CHD7: variants seen among roughly 807,000 people sequenced by gnomAD.
CHD7 encodes chromodomain helicase DNA binding protein 7.
Under a neutral mutation model 307.3 loss-of-function variants are expected in CHD7, and 24 were observed. That is an observed-to-expected ratio of 0.08 (90% confidence interval 0.06 to 0.11). CHD7 has a LOEUF of 0.11. Ranked by LOEUF, CHD7 falls within the 10% of genes least tolerant of loss-of-function variation. The pLI is 1.00. For missense variants in CHD7, 3,106 were observed against 3,727.1 expected, an observed-to-expected ratio of 0.83 and a Z score of 4.34; for synonymous variants, 1,363 against 1,349.9, an observed-to-expected ratio of 1.01 and a Z score of -0.21.
intron 1 of CHD7, among the ~76,000 whole-genome samples, chr8:60,687,449 C>T (rs113004965): frequency 1.3e-5 from 2 of 152,252 alleles, no homozygotes; most frequent in African/African-American, 4.8e-5. Flanking sequence ...GTTTTATGTT[C>T]TTGTATACTT....
intron 23 of CHD7, 61 bp downstream of exon 23, chr8:60,845,470 A>C: frequency 7.8e-6 from 12 of 1,539,704 alleles, no homozygotes; most frequent in Non-Finnish European, 1.1e-5. Flanking sequence ...TAAAAAATAC[A>C]TGCAGCCGGC....
At chr8:60,729,397 TA>T (rs2150558650) in intron 1 of CHD7, among the ~76,000 whole-genome samples, 1 of 152,338 alleles carries the variant, frequency 6.6e-6, no homozygotes, top group Admixed American at 6.5e-5. Flanking sequence ...GTAATTGGCA[TA>T]AAGTAGGGAA....
At chr8:60,695,761 A>G (rs568103060) in intron 1 of CHD7, among the ~76,000 whole-genome samples, 1 of 152,370 alleles carries the variant, frequency 6.6e-6, no homozygotes, top group East Asian at 1.9e-4. Context: ...GGAATAATTT[A>G]AAAATGCAAA....
intron 15 of CHD7, among the ~76,000 whole-genome samples, chr8:60,830,857 C>T (rs1231646642): frequency 1.3e-5 from 2 of 152,166 alleles, no homozygotes; most frequent in East Asian, 3.9e-4. Context: ...GGCTAGAAGT[C>T]ATCTGAAGTG....
chr8:60,731,311 T>C (rs968394647), intron 1 of CHD7, among the ~76,000 whole-genome samples: 12 of 152,198 alleles, frequency 7.9e-5, no homozygotes, highest in Admixed American at 2.6e-4. Flanking sequence ...AGTTAAATTG[T>C]GGGGAAGGAA....
intron 2 of CHD7, among the ~76,000 whole-genome samples, chr8:60,774,300 TAA>T (rs1312573404): frequency 6.6e-6 from 1 of 152,210 alleles, no homozygotes; most frequent in Non-Finnish European, 1.5e-5. Flanking sequence ...GAAGCAGCAA[TAA>T]TATAACTCAC....
chr8:60,729,332 T>C (rs571191921), intron 1 of CHD7, among the ~76,000 whole-genome samples: 4 of 152,264 alleles, frequency 2.6e-5, no homozygotes, highest in Non-Finnish European at 5.9e-5. Flanking sequence ...CAAACCTTTA[T>C]TTATATTCTT....
intron 2 of CHD7, among the ~76,000 whole-genome samples, chr8:60,764,529 A>C (rs1295843149): frequency 6.6e-6 from 1 of 152,148 alleles, no homozygotes; most frequent in Non-Finnish European, 1.5e-5. Flanking sequence ...GAGGGATTGC[A>C]ATTAGTTCAT....
chr8:60,761,256 A>G (rs1272054599), intron 2 of CHD7, among the ~76,000 whole-genome samples: 2 of 147,064 alleles, frequency 1.4e-5, no homozygotes, highest in Non-Finnish European at 3.0e-5. Context: ...AAAACCAAAC[A>G]CCGCATATTC....
chr8:60,805,042 A>G (rs1462597979), intron 6 of CHD7, among the ~76,000 whole-genome samples: 1 of 152,190 alleles, frequency 6.6e-6, no homozygotes, highest in Non-Finnish European at 1.5e-5. Context: ...GTGTGTATGT[A>G]TGGGAATAGT....
At chr8:60,752,942 A>G (rs905978475) in intron 2 of CHD7, among the ~76,000 whole-genome samples, 1 of 152,224 alleles carries the variant, frequency 6.6e-6, no homozygotes, top group Non-Finnish European at 1.5e-5. Context: ...AAATCTATAG[A>G]TAATATCTAA....
chr8:60,855,246 A>T (rs1239980041), intron 32 of CHD7: 2 of 152,238 alleles, frequency 1.3e-5, no homozygotes, highest in Non-Finnish European at 2.9e-5. Flanking sequence ...TGTCAAAGAC[A>T]TTTTGTTTCC....
chr8:60,733,085 A>C (rs7813067), intron 1 of CHD7, among the ~76,000 whole-genome samples: 1 of 151,638 alleles, frequency 6.6e-6, no homozygotes, highest in East Asian at 1.9e-4. Flanking sequence ...AAAAAAAAAA[A>C]TTAGCTGGGT....
At chr8:60,716,530 C>T (rs890128269) in intron 1 of CHD7, among the ~76,000 whole-genome samples, 1 of 152,230 alleles carries the variant, frequency 6.6e-6, no homozygotes, top group Non-Finnish European at 1.5e-5. Context: ...GGGCTGACTC[C>T]TCAGTTCCTT....
intron 13 of CHD7, among the ~76,000 whole-genome samples, chr8:60,827,908 GTAGAAAATAATA>G (rs1253254779): frequency 1.3e-5 from 2 of 151,998 alleles, no homozygotes; most frequent in Non-Finnish European, 2.9e-5. Context: ...AATGGCCAAA[GTAGAAAATAATA>G]GGGTTCTTAA....
chr8:60,784,837 T>C (rs924036579), intron 3 of CHD7, among the ~76,000 whole-genome samples: 5 of 152,196 alleles, frequency 3.3e-5, no homozygotes. Flanking sequence ...AAAAGACATG[T>C]AAAACCTTGA....
At position 60,795,001 on chromosome 8, in the gene CHD7, C is replaced by T; in HGVS notation, c.2112C>T (p.Asp704=). The T allele has an allele frequency of 6.2e-7, 1 of 1,613,276 alleles. No individual in the cohort carries two copies. Among genetic ancestry groups the T allele is most frequent in the Non-Finnish European group, 8.5e-7 (1 of 1,179,628 alleles). Residue 704 remains aspartate (D), a synonymous_variant, in exon 4 of 38, where the codon GAC becomes GAT. Coordinates refer to ENST00000423902, the MANE Select transcript of CHD7 (RefSeq NM_017780.4). ...TGAATTCTAGTAATAAGAAACCTGA[C>T]TCAGAAGCAAGTGCTTTGAAGAAAA... ...SSKKSSNKKP[D]SEASALKKKV...
intron 1 of CHD7, among the ~76,000 whole-genome samples, chr8:60,730,455 A>G (rs1435693374): frequency 6.6e-6 from 1 of 152,232 alleles, no homozygotes; most frequent in East Asian, 1.9e-4. Context: ...TACTTGCATT[A>G]ATGATAAATG....
chr8:60,750,271 G>A (rs971439694), intron 2 of CHD7, among the ~76,000 whole-genome samples: 3 of 152,090 alleles, frequency 2.0e-5, no homozygotes, highest in African/African-American at 7.2e-5. Context: ...TGGTGTCTTA[G>A]GTACCTTCAT....
Sources: allele counts gnomAD v4.1 joint callset (sites outside exome capture counted in the v4.1 genomes callset), GRCh38; gene constraint gnomAD v4.1.1; transcripts MANE v1.5; gene names NCBI Gene and HGNC (gene_info 2026-07-23, HGNC 2026-07-21).